TLL1: variants seen among roughly 807,000 people sequenced by gnomAD.
TLL1 encodes the protein tolloid like 1, also known as tolloid-like protein 1.
A neutral mutation model predicts 128.2 loss-of-function variants in TLL1; 49 were observed. That is an observed-to-expected ratio of 0.38 (90% CI 0.30 to 0.48). The LOEUF is 0.48. Ranked by LOEUF, TLL1 falls within the 20% of genes least tolerant of loss-of-function variation. The pLI is 0.96. For missense variants in TLL1, 1,123 were observed against 1,242.0 expected (o/e 0.90, Z 1.44); for synonymous variants, 454 against 418.8 (o/e 1.08, Z -1.03).
chr4:165,973,487 C>A (rs1003034120), intron 1 of TLL1, among the ~76,000 whole-genome samples: 6 of 151,832 alleles, frequency 4.0e-5, no homozygotes, highest in Admixed American at 2.0e-4. Flanking sequence ...TGGTTACAGT[C>A]CCTTGCTTCC....
intron 9 of TLL1, among the ~76,000 whole-genome samples, chr4:166,037,855 T>G (rs1739070569): frequency 1.3e-5 from 2 of 152,138 alleles, no homozygotes. Flanking sequence ...GTACTACATT[T>G]TTAAAAAATT....
chr4:165,926,950 C>T (rs1579496535), intron 1 of TLL1, among the ~76,000 whole-genome samples: 1 of 152,258 alleles, frequency 6.6e-6, no homozygotes, highest in East Asian at 1.9e-4. Flanking sequence ...AAAACAGTCT[C>T]AGTTTCTTTT....
At chr4:165,940,610 A>T (rs1733962324) in intron 1 of TLL1, among the ~76,000 whole-genome samples, 1 of 152,024 alleles carries the variant, frequency 6.6e-6, no homozygotes, top group Non-Finnish European at 1.5e-5. Flanking sequence ...TTTATTTCTT[A>T]ATTGTTCAAA....
At chr4:165,893,988 TTA>T in intron 1 of TLL1, among the ~76,000 whole-genome samples, 1 of 152,176 alleles carries the variant, frequency 6.6e-6, no homozygotes, top group East Asian at 1.9e-4. Context: ...TATTACAGCG[TTA>T]TTTTAAGAGT....
chr4:166,074,636 T>C (rs1361210823), intron 16 of TLL1, among the ~76,000 whole-genome samples: 2 of 152,130 alleles, frequency 1.3e-5, no homozygotes, highest in East Asian at 1.9e-4. Context: ...TAAAAGAGGA[T>C]TACAAGTTAT....
intron 16 of TLL1, among the ~76,000 whole-genome samples, chr4:166,074,650 C>T (rs1335655087): frequency 3.3e-5 from 5 of 152,084 alleles, no homozygotes; most frequent in South Asian, 2.1e-4. Flanking sequence ...AAGTTATTAT[C>T]GTAGCGCTAA....
intron 16 of TLL1, 85 bp from the exon 17 acceptor site, chr4:166,074,793 G>A (rs1740945869): frequency 6.5e-7 from 1 of 1,540,548 alleles, no homozygotes; most frequent in Non-Finnish European, 8.9e-7. Context: ...CCCTTTGGCA[G>A]TGTTAACCAC....
intron 1 of TLL1, among the ~76,000 whole-genome samples, chr4:165,929,444 C>T (rs1252781173): frequency 6.6e-6 from 1 of 151,336 alleles, no homozygotes; most frequent in East Asian, 1.9e-4. Context: ...GAGGCTGAGG[C>T]AGGAGAACCG....
At chr4:166,054,532 A>G (rs1478614406) in intron 12 of TLL1, among the ~76,000 whole-genome samples, 1 of 151,266 alleles carries the variant, frequency 6.6e-6, no homozygotes, top group Non-Finnish European at 1.5e-5. Flanking sequence ...GTCATCTAGC[A>G]TTAGGTATAT....
chr4:165,918,132 T>G (rs994702377), intron 1 of TLL1, among the ~76,000 whole-genome samples: 7 of 152,194 alleles, frequency 4.6e-5, no homozygotes, highest in African/African-American at 1.7e-4. Context: ...TGTAAGATAA[T>G]AGTATACCAT....
intron 16 of TLL1, 141 bp from the exon 17 acceptor site, chr4:166,074,737 T>C: frequency 1.0e-6 from 1 of 989,458 alleles, no homozygotes; most frequent in Non-Finnish European, 1.5e-6. Flanking sequence ...ATCATACATT[T>C]TTGTTTGTTT....
intron 6 of TLL1, among the ~76,000 whole-genome samples, chr4:166,005,266 C>T (rs1183540000): frequency 6.6e-6 from 1 of 151,704 alleles, no homozygotes; most frequent in Admixed American, 6.6e-5. Context: ...TTTGTATGAT[C>T]CTTATTTTGT....
intron 18 of TLL1, among the ~76,000 whole-genome samples, chr4:166,089,493 C>A (rs76311076): frequency 2.6e-5 from 4 of 152,110 alleles, no homozygotes; most frequent in African/African-American, 4.8e-5. Context: ...CTGCATCCTA[C>A]GCAATGTGTG....
chr4:165,944,722 T>TGTG (rs747988860), intron 1 of TLL1, among the ~76,000 whole-genome samples: 1 of 151,948 alleles, frequency 6.6e-6, no homozygotes, highest in Non-Finnish European at 1.5e-5. Flanking sequence ...TGGTGACTCT[T>TGTG]GTGGTGGTGG....
At chr4:165,917,786 C>A (rs1732853296) in intron 1 of TLL1, among the ~76,000 whole-genome samples, 2 of 152,102 alleles carry the variant, frequency 1.3e-5, no homozygotes, top group African/African-American at 4.8e-5. Flanking sequence ...TTTTGGCCTT[C>A]TTAAATTTTG....
intron 20 of TLL1, among the ~76,000 whole-genome samples, 199 bp downstream of exon 20, chr4:166,099,726 A>G (rs1742206031): frequency 6.6e-6 from 1 of 151,930 alleles, no homozygotes; most frequent in African/African-American, 2.4e-5. Context: ...AATTTGCCTG[A>G]ATAATATCAG....
At chr4:166,077,260 C>G (rs1741076973) in intron 17 of TLL1, among the ~76,000 whole-genome samples, 1 of 150,652 alleles carries the variant, frequency 6.6e-6, no homozygotes, top group African/African-American at 2.4e-5. Context: ...AGTAATTATA[C>G]TGATTGAATG....
intron 1 of TLL1, among the ~76,000 whole-genome samples, chr4:165,933,232 C>A (rs889864137): frequency 1.3e-5 from 2 of 152,152 alleles, no homozygotes; most frequent in Non-Finnish European, 2.9e-5. Context: ...AATCTCCCCC[C>A]ATACACTCCC....
chr4:166,092,204 A>T (rs894502121), intron 19 of TLL1, among the ~76,000 whole-genome samples: 9 of 152,092 alleles, frequency 5.9e-5, no homozygotes, highest in African/African-American at 1.7e-4. Context: ...TTTTAGTGAA[A>T]TTTTGTCATG....
Sources: gnomAD v4.1 joint callset for allele counts (sites outside exome capture counted in the v4.1 genomes callset) on GRCh38, gnomAD v4.1.1 for gene constraint, MANE v1.5 for transcripts, NCBI Gene and HGNC (gene_info 2026-07-23, HGNC 2026-07-21) for gene names.